Variants in ARID1B observed in about 807,000 individuals in gnomAD.
The protein encoded by ARID1B is AT-rich interactive domain-containing protein 1B.
In ARID1B, 30 loss-of-function variants were observed where a neutral mutation model predicts 212.3. That is an observed-to-expected ratio of 0.14 (90% CI 0.11 to 0.19). The LOEUF is 0.19. ARID1B is among the 10% of genes least tolerant of loss of function. ARID1B has a pLI of 1.00. For synonymous variants in ARID1B, 1,402 were observed against 1,301.7 expected (o/e 1.08, Z -1.66); for missense variants, 2,891 against 3,204.0 (o/e 0.90, Z 2.36).
intron 4 of ARID1B, among the ~76,000 whole-genome samples, chr6:157,073,865 T>A (rs1452289652): frequency 6.6e-6 from 1 of 152,228 alleles, no homozygotes; most frequent in African/African-American, 2.4e-5. Flanking sequence ...CTGCTTTATC[T>A]ACAGCAACTC....
intron 3 of ARID1B, among the ~76,000 whole-genome samples, chr6:156,929,051 C>A (rs932835230): frequency 1.3e-5 from 2 of 152,148 alleles, no homozygotes; most frequent in Non-Finnish European, 2.9e-5. Context: ...TCAGTTACTC[C>A]AGCCTAGTGC....
At chr6:157,022,970 A>G (rs1022834684) in intron 4 of ARID1B, 2 of 152,028 alleles carry the variant, frequency 1.3e-5, no homozygotes, top group African/African-American at 4.8e-5. Context: ...TATGCCTTGT[A>G]GTGTTTACCG....
At chr6:157,055,476 C>G (rs1456681014) in intron 4 of ARID1B, among the ~76,000 whole-genome samples, 2 of 152,190 alleles carry the variant, frequency 1.3e-5, no homozygotes, top group African/African-American at 4.8e-5. Context: ...CTTTACTGCT[C>G]ACTGTAGTAA....
At chr6:157,027,966 T>C (rs748587545) in intron 4 of ARID1B, among the ~76,000 whole-genome samples, 3 of 152,212 alleles carry the variant, frequency 2.0e-5, no homozygotes, top group Non-Finnish European at 4.4e-5. Context: ...TTTTATGAAA[T>C]GTCAAAATTA....
intron 4 of ARID1B, among the ~76,000 whole-genome samples, chr6:157,057,276 G>A (rs1295915530): frequency 2.6e-5 from 4 of 152,086 alleles, no homozygotes; most frequent in African/African-American, 9.7e-5. Flanking sequence ...GATTACAGGC[G>A]TGAGCCACCA....
chr6:157,079,851 G>A (rs1315633223), intron 4 of ARID1B, among the ~76,000 whole-genome samples: 1 of 151,994 alleles, frequency 6.6e-6, no homozygotes, highest in African/African-American at 2.4e-5. Flanking sequence ...TAGTTGAAGA[G>A]AGAAAAAGAA....
Position 156,885,120 on chromosome 6 carries a change from A to AAT in ARID1B, c.1987-16256_1987-16255insAT, listed in dbSNP as rs1279164398. Among the ~76,000 whole-genome samples the AAT allele has an allele frequency of 4.7e-4, 72 of 152,340 alleles. No individual in the cohort carries two copies. In the Middle Eastern group the frequency reaches 0.017, roughly 36 times the overall value. On this transcript the variant is annotated intron_variant, in intron 2 of 19. Coordinates refer to ENST00000636930, the MANE Select transcript of ARID1B (RefSeq NM_001374828.1). Reference sequence around the variant, plus strand: ...TCTAATGGTAATATAGCTAAAATAAAGTAAAATTGGAATATGATCTAATTT... The same window carrying AAT: ...TCTAATGGTAATATAGCTAAAATAAAATGTAAAATTGGAATATGATCTAATTT...
intron 8 of ARID1B, among the ~76,000 whole-genome samples, chr6:157,165,823 C>T (rs947807450): frequency 5.3e-5 from 8 of 152,104 alleles, no homozygotes; most frequent in African/African-American, 1.4e-4. Context: ...GCACTTCAGC[C>T]TGGGCGACAG....
intron 8 of ARID1B, among the ~76,000 whole-genome samples, chr6:157,162,648 T>C (rs906687545): frequency 6.6e-6 from 1 of 152,156 alleles, no homozygotes; most frequent in Non-Finnish European, 1.5e-5. Flanking sequence ...TAAATAAAGT[T>C]CTTCTGGTTA....
rs1583295592 is a variant in ARID1B at position 157,094,389 on chromosome 6, C to G, written c.2491+9484C>G. On this transcript the variant is annotated intron_variant, in intron 5 of 19. Coordinates refer to ENST00000636930, the MANE Select transcript of ARID1B (RefSeq NM_001374828.1). The surrounding 1 kb of genome is among the most constrained non-coding windows in gnomAD (Gnocchi z 4.3). ...CTTCTTTTTGAGAAGGAGTCTCACTCTGTCTTCCAGGCTAGAGTACAGTGG... is the reference window on the plus strand; with the variant it reads ...CTTCTTTTTGAGAAGGAGTCTCACTGTGTCTTCCAGGCTAGAGTACAGTGG... 6.6e-6 allele frequency among the ~76,000 whole-genome samples: 1 copy of G among 152,250 alleles called. No homozygotes were observed. The highest frequency in any genetic ancestry group is 1.9e-4 in the East Asian group (1 of 5,188).
intron 6 of ARID1B, among the ~76,000 whole-genome samples, chr6:157,117,411 G>A (rs1198355089): frequency 3.3e-5 from 5 of 152,160 alleles, no homozygotes; most frequent in Admixed American, 6.5e-5. Flanking sequence ...TACAAAGTCT[G>A]AGTAGAATTC....
At chr6:156,892,169 C>T (rs1364847200) in intron 2 of ARID1B, among the ~76,000 whole-genome samples, 3 of 151,188 alleles carry the variant, frequency 2.0e-5, no homozygotes, top group Non-Finnish European at 4.4e-5. Flanking sequence ...AAGTGACAGG[C>T]GTGAGCCACC....
At position 157,046,982 on chromosome 6, in the gene ARID1B, T is replaced by C. The variant is rs144798192; in HGVS notation, c.2248-37680T>C. 9.3e-3 allele frequency among the ~76,000 whole-genome samples: 1,413 copies of C among 152,300 alleles called. 17 individuals are homozygous for C. Among genetic ancestry groups the C allele is most frequent in the Non-Finnish European group, 0.012 (810 of 68,022 alleles). On this transcript the variant is annotated intron_variant, in intron 4 of 19. Transcript: ENST00000636930. ...CTGCTTCCCAGGCCTGTGTACTTTA[T>C]GAAAAAATTCCAGCAATGCCTGTGT...
chr6:156,867,283 G>A (rs1232318052), intron 2 of ARID1B, among the ~76,000 whole-genome samples: 1 of 152,174 alleles, frequency 6.6e-6, no homozygotes, highest in African/African-American at 2.4e-5. Flanking sequence ...AGGTACTGGC[G>A]GCAGTCCTGT....
chr6:156,964,197 C>G (rs749155898), intron 4 of ARID1B, among the ~76,000 whole-genome samples: 2 of 152,230 alleles, frequency 1.3e-5, no homozygotes, highest in Non-Finnish European at 2.9e-5. Context: ...GATGAGCTGT[C>G]AAAGCTCGCA....
intron 5 of ARID1B, among the ~76,000 whole-genome samples, chr6:157,109,102 G>C (rs897446727): frequency 1.3e-5 from 2 of 152,144 alleles, no homozygotes; most frequent in African/African-American, 4.8e-5. Context: ...ATTAGACTTA[G>C]TAAGGAGTGA....
intron 4 of ARID1B, among the ~76,000 whole-genome samples, chr6:157,025,734 T>A (rs1010803301): frequency 3.3e-5 from 5 of 152,244 alleles, no homozygotes; most frequent in Non-Finnish European, 7.3e-5. Flanking sequence ...TGGATTGTTT[T>A]CAGTTTTTGT....
chr6:157,177,515 CAG>C (rs1562325752), intron 11 of ARID1B, among the ~76,000 whole-genome samples: 1 of 152,164 alleles, frequency 6.6e-6, no homozygotes, highest in Non-Finnish European at 1.5e-5. Context: ...TATGCTTTGA[CAG>C]TGTACTGTGG....
At chr6:156,992,062 A>G (rs116760844) in intron 4 of ARID1B, among the ~76,000 whole-genome samples, 1 of 152,316 alleles carries the variant, frequency 6.6e-6, no homozygotes, top group African/African-American at 2.4e-5. Flanking sequence ...TTTACAGTTT[A>G]CTTTTCTTTC....
Sources: allele counts gnomAD v4.1 joint callset (sites outside exome capture counted in the v4.1 genomes callset), GRCh38; gene constraint gnomAD v4.1.1; non-coding constraint Gnocchi (gnomAD v3.1); transcripts MANE v1.5; gene names NCBI Gene and HGNC (gene_info 2026-07-23, HGNC 2026-07-21).